The following MBP variants were observed in gnomAD, a reference collection of about 807,000 sequenced individuals.
MBP encodes the protein Golli-MBP.
In MBP, 16 loss-of-function variants were observed where a neutral mutation model predicts 35.8. That is an observed-to-expected ratio of 0.45 (90% CI 0.30 to 0.68). The LOEUF is 0.68. MBP is among the 30% of genes least tolerant of loss of function. The pLI, the probability that MBP is intolerant of heterozygous loss-of-function variation, is 0.08. For missense variants in MBP, 380 were observed against 404.7 expected, an observed-to-expected ratio of 0.94 and a Z score of 0.52; for synonymous variants, 143 against 159.6, an observed-to-expected ratio of 0.90 and a Z score of 0.78.
At chr18:77,028,317 C>A (rs910379482) in intron 3 of MBP, among the ~76,000 whole-genome samples, 149 of 126,164 alleles carry the variant, frequency 1.2e-3, no homozygotes, top group East Asian at 1.4e-3. Context: ...GTAAGGTCAC[C>A]GATCAACAGG....
At chr18:76,998,602 C>G (rs1270183828) in intron 4 of MBP, among the ~76,000 whole-genome samples, 2 of 152,182 alleles carry the variant, frequency 1.3e-5, no homozygotes, top group African/African-American at 2.4e-5. Context: ...GTGAAGCTGC[C>G]GAGGTTCCCT....
chr18:76,987,247 A>G (rs778839526), intron 7 of MBP: 2 of 985,480 alleles, frequency 2.0e-6, no homozygotes, highest in East Asian at 2.3e-4. Flanking sequence ...TTTCTGGGTC[A>G]AAAATGAATT....
chr18:76,985,869 G>A (rs1185441662), intron 7 of MBP: 4 of 988,744 alleles, frequency 4.0e-6, no homozygotes, highest in African/African-American at 1.7e-5. Flanking sequence ...TTATGGAAGA[G>A]CAGGCCGCCC....
chr18:77,105,910 C>G (rs1453780587), intron 1 of MBP, among the ~76,000 whole-genome samples: 2 of 152,188 alleles, frequency 1.3e-5, no homozygotes, highest in Non-Finnish European at 2.9e-5. Context: ...CTTAGCAGCA[C>G]ATTTATGATT....
At chr18:77,063,894 ATATGTG>A (rs1455513128) in intron 3 of MBP, among the ~76,000 whole-genome samples, 3 of 107,622 alleles carry the variant, frequency 2.8e-5, no homozygotes, top group Non-Finnish European at 5.8e-5. Context: ...ATACCTATAC[ATATGTG>A]TGTGTGTGTG....
chr18:77,000,711 TTTTTTG>T lies in MBP; in HGVS notation c.577-10657_577-10652del, dbSNP rs553786594. ...AATCAGGAAGAGGGTTGTTGTTGTT[TTTTTTG>T]TTTTTGTTTTTGTTTTTTTATTCCC... is the stretch of plus-strand genomic sequence containing the variant. On this transcript the variant is annotated intron_variant, in intron 4 of 8. Coordinates refer to ENST00000355994, the MANE Select transcript of MBP (RefSeq NM_001025101.2). Among the ~76,000 whole-genome samples, 7 of 152,270 alleles carry T rather than the reference TTTTTTG, an allele frequency of 4.6e-5. No individual in the cohort carries two copies. The South Asian group carries it at 1.0e-3, about 23-fold the overall frequency.
At chr18:77,033,568 C>T (rs1021077096) in intron 3 of MBP, among the ~76,000 whole-genome samples, 20 of 152,122 alleles carry the variant, frequency 1.3e-4, no homozygotes, top group Admixed American at 1.3e-3. Context: ...TCCCATCCAT[C>T]ATTTACCCGT....
At chr18:76,984,531 C>T (rs930933538) in intron 8 of MBP, 10 of 518,642 alleles carry the variant, frequency 1.9e-5, no homozygotes, top group Non-Finnish European at 3.4e-5. Context: ...TCCAGGGCCC[C>T]TGAACCAGCC....
intron 3 of MBP, among the ~76,000 whole-genome samples, chr18:77,059,018 T>C (rs1270469299): frequency 2.2e-5 from 1 of 45,182 alleles, no homozygotes; most frequent in Non-Finnish European, 4.9e-5. Flanking sequence ...GCTGGGGAAA[T>C]AGGCATATTC....
Position 76,989,255 on chromosome 18 carries a change from C to A in MBP, c.682-343G>T, listed in dbSNP as rs1969755323. Among the ~76,000 whole-genome samples, 2 of 152,154 alleles carry A rather than the reference C, an allele frequency of 1.3e-5. No individual in the cohort carries two copies. Among genetic ancestry groups the A allele is most frequent in the African/African-American group, 4.8e-5 (2 of 41,438 alleles). ...CCTTTCCGGGGCTAGGAGTAGCGGG[C>A]CCTCTGACATTCAGAGCTTCCAAGG... is the stretch of plus-strand genomic sequence containing the variant. On this transcript the variant is annotated intron_variant, in intron 5 of 8. Coordinates refer to ENST00000355994, the MANE Select transcript of MBP (RefSeq NM_001025101.2). The surrounding 1 kb of genome is among the most constrained non-coding windows in gnomAD (Gnocchi z 4.0).
chr18:77,026,576 G>A lies in MBP; in HGVS notation c.140-9308C>T, dbSNP rs191061963. Among the ~76,000 whole-genome samples the A allele has an allele frequency of 4.6e-5, 7 of 152,208 alleles. No homozygotes were observed. The East Asian group carries it at 1.4e-3, about 29-fold the overall frequency. On this transcript the variant is annotated intron_variant, in intron 3 of 8. Coordinates refer to ENST00000355994, the MANE Select transcript of MBP (RefSeq NM_001025101.2). Reference sequence around the variant, plus strand: ...AGATCTCAAAACATTAGACCTAAGGGATCATCCAAATATAATTTCACTAGG... The same window carrying A: ...AGATCTCAAAACATTAGACCTAAGGAATCATCCAAATATAATTTCACTAGG...
At chr18:77,010,224 A>G (rs1439388922) in intron 4 of MBP, 2 of 437,274 alleles carry the variant, frequency 4.6e-6, no homozygotes, top group Non-Finnish European at 8.4e-6. Context: ...TCCAAAGTCT[A>G]TTCTGAGGCC....
chr18:77,028,671 G>T (rs1273528211), intron 3 of MBP, among the ~76,000 whole-genome samples: 1 of 82,496 alleles, frequency 1.2e-5, no homozygotes, highest in Non-Finnish European at 3.1e-5. Flanking sequence ...GGGCAGAGGG[G>T]CTCCTCACTT....
chr18:76,980,491 A>C lies in MBP; in HGVS notation c.871-20T>G, dbSNP rs765062745. On this transcript the variant is annotated intron_variant, in intron 8 of 8. Transcript: ENST00000355994. ...TCCTCCCTGAAAAGGAAGAGAGAGG[A>C]GTTAGGACGAGAGTGCCGCAGGGTC... 5.0e-6 allele frequency: 8 copies of C among 1,609,184 alleles called. No individual in the cohort carries two copies. The highest frequency in any genetic ancestry group is 6.8e-6 in the Non-Finnish European group (8 of 1,176,026).
rs192676218 is a variant in MBP, at chr18:77,131,220, G to T, written c.-26+1360C>A. Among the ~76,000 whole-genome samples the T allele has an allele frequency of 1.7e-3, 256 of 152,192 alleles. 1 individual carries two copies. In the East Asian group the frequency reaches 0.019, roughly 11 times the overall value. On this transcript the variant is annotated intron_variant, in intron 1 of 8. Coordinates refer to ENST00000355994, the MANE Select transcript of MBP (RefSeq NM_001025101.2). The surrounding 1 kb of genome is among the most constrained non-coding windows in gnomAD (Gnocchi z 5.5). ...CCACAGCCCCGGCCCCAACCGCTAA[G>T]GAGGTGCTCATCACTGGAGGTGGCC...
At chr18:77,061,879 G>A (rs1313322779) in intron 3 of MBP, among the ~76,000 whole-genome samples, 1 of 152,166 alleles carries the variant, frequency 6.6e-6, no homozygotes, top group South Asian at 2.1e-4. Flanking sequence ...TATCTCCATT[G>A]TCTGAGCAAT....
chr18:77,015,640 T>A (rs1321073598), intron 4 of MBP: 1 of 985,454 alleles, frequency 1.0e-6, no homozygotes, highest in Non-Finnish European at 1.2e-6. Context: ...ATGGTAGAGA[T>A]GTTAACAGTT....
At chr18:77,091,224 G>A (rs553733083) in intron 2 of MBP, among the ~76,000 whole-genome samples, 3 of 152,216 alleles carry the variant, frequency 2.0e-5, no homozygotes, top group South Asian at 4.2e-4. Context: ...AAATCACTGT[G>A]GATAATTAGT....
intron 1 of MBP, among the ~76,000 whole-genome samples, chr18:77,116,829 T>C (rs945620921): frequency 4.0e-5 from 6 of 151,828 alleles, no homozygotes; most frequent in Admixed American, 3.9e-4. Context: ...ATTGGGCCAC[T>C]GCACTCCAGC....
Sources: gnomAD v4.1 joint callset for allele counts (sites outside exome capture counted in the v4.1 genomes callset) on GRCh38, gnomAD v4.1.1 for gene constraint, Gnocchi (gnomAD v3.1) non-coding constraint, MANE v1.5 for transcripts, NCBI Gene and HGNC (gene_info 2026-07-23, HGNC 2026-07-21) for gene names.